The following NPR1 variants were observed in gnomAD, a reference collection of about 807,000 sequenced individuals.
NPR1 encodes atrial natriuretic peptide receptor 1.
Under a neutral mutation model 116.9 loss-of-function variants are expected in NPR1, and 57 were observed. That is an observed-to-expected ratio of 0.49 (90% CI 0.39 to 0.61). The LOEUF (loss-of-function observed/expected upper bound fraction) is 0.61, where lower values mean the gene tolerates loss of function less well. Ranked by LOEUF, NPR1 falls within the 20% of genes least tolerant of loss-of-function variation. The pLI is 0.00. For synonymous variants in NPR1, 555 were observed against 601.6 expected (o/e 0.92, Z 1.13); for missense variants, 1,096 against 1,409.8 (o/e 0.78, Z 3.56).
intron 7 of NPR1, among the ~76,000 whole-genome samples, chr1:153,684,342 T>C (rs985487747): frequency 6.6e-6 from 1 of 151,086 alleles, no homozygotes; most frequent in African/African-American, 2.4e-5. Flanking sequence ...TGGTTGAGCA[T>C]ATAATGTGTG....
chr1:153,691,915 A>C (rs1467649545), intron 20 of NPR1, among the ~76,000 whole-genome samples: 1 of 151,786 alleles, frequency 6.6e-6, no homozygotes, highest in African/African-American at 2.4e-5. Context: ...AAGAAAGAAA[A>C]GAAAAGAAAG....
Position 153,685,862 on chromosome 1 carries a change from C to T in NPR1, c.1662C>T (p.Ala554=). 6.2e-7 allele frequency: 1 copy of T among 1,613,990 alleles called. No homozygotes were observed. The highest frequency in any genetic ancestry group is 1.1e-5 in the South Asian group (1 of 91,078). The change falls in exon 9 of 22, where the codon GCC becomes GCT. Residue 554 remains alanine (A), a synonymous_variant. Transcript: ENST00000368680. ...LTTEGQFQVF[A]KTAYYKGNLV... ...CAGAGGGCCAGTTCCAAGTCTTTGC[C>T]AAGACAGCATATTATAAGGTGGGCC...
At chr1:153,686,097 A>G in intron 9 of NPR1, 26 bp from the exon 10 acceptor site, 1 of 1,610,194 alleles carries the variant, frequency 6.2e-7, no homozygotes, top group Non-Finnish European at 8.5e-7. Flanking sequence ...TGCTCTTCAC[A>G]GTGACAGTCT....
In NPR1 at chr1:153,679,239, C is replaced by A; in HGVS notation, c.131C>A (p.Ala44Asp). The A allele has an allele frequency of 6.5e-7, 1 of 1,527,960 alleles. No individual in the cohort carries two copies. The allele number at this position is 1,527,960 out of a possible 1,614,324, so 94.7% of individuals were successfully genotyped here. Reference protein sequence around the residue: ...NLTVAVVLPLANTSYPWSWAR... With the variant: ...NLTVAVVLPLDNTSYPWSWAR... The stretch of plus-strand genomic sequence containing the variant: ...ACGGTAGCCGTGGTACTGCCGCTGG[C>A]CAATACCTCGTACCCCTGGTCGTGG... The change falls in exon 1 of 22, where the codon GCC (alanine) becomes GAC (aspartate). Residue 44 changes from alanine (A) to aspartate (D), a missense_variant. By Grantham distance (126) the Ala-to-Asp change is moderately radical. Transcript: ENST00000368680. This position sits in a 1 kb window ranked among gnomAD's most constrained non-coding sequence, Gnocchi z 4.2.
Position 153,689,331 on chromosome 1 carries a change from C to G in NPR1, c.2688+20C>G, listed in dbSNP as rs778213148. 108 of 1,614,076 alleles carry G rather than the reference C, an allele frequency of 6.7e-5. No homozygotes were observed. In the Admixed American group the frequency reaches 1.8e-3, roughly 27 times the overall value. On this transcript the variant is annotated intron_variant, in intron 17 of 21. Coordinates refer to ENST00000368680, the MANE Select transcript of NPR1 (RefSeq NM_000906.4). This position sits in a 1 kb window ranked among gnomAD's most constrained non-coding sequence, Gnocchi z 5.1. Reference sequence around the variant, plus strand: ...ATGCAGGTAGGCCAGGGTTCAGCCACAGGTGCCAGGCAAGCTCAGCATCTG... The same window carrying G: ...ATGCAGGTAGGCCAGGGTTCAGCCAGAGGTGCCAGGCAAGCTCAGCATCTG...
At position 153,679,638 on chromosome 1, in the gene NPR1, G is replaced by C; in HGVS notation, c.530G>C (p.Gly177Ala). The change falls in exon 1 of 22, where the codon GGC (glycine) becomes GCC (alanine). Residue 177 changes from glycine (G) to alanine (A), a missense_variant. Coordinates refer to ENST00000368680, the MANE Select transcript of NPR1 (RefSeq NM_000906.4). This position sits in a 1 kb window ranked among gnomAD's most constrained non-coding sequence, Gnocchi z 4.2. The stretch of plus-strand genomic sequence containing the variant: ...GTGGCGGCGCTGCACCGACGGCTGG[G>C]CTGGGAGCGCCAAGCGCTCATGCTC... ...DFVAALHRRL[G>A]WERQALMLYA... is the part of the protein sequence containing the mutation. The C allele has an allele frequency of 6.3e-7, 1 of 1,598,964 alleles. No homozygotes were observed. Among genetic ancestry groups the C allele is most frequent in the Non-Finnish European group, 8.5e-7 (1 of 1,175,184 alleles).
At position 153,689,933 on chromosome 1, in the gene NPR1, G is replaced by A. The variant is rs199989132; in HGVS notation, c.2885G>A (p.Arg962His). 131 of 1,550,642 alleles carry A rather than the reference G, an allele frequency of 8.4e-5. No homozygotes were observed. Among genetic ancestry groups the A allele is most frequent in the Middle Eastern group, 3.3e-4 (2 of 5,978 alleles). Residue 962 changes from arginine (R) to histidine (H), a missense_variant, in exon 19 of 22, where the codon CGC (arginine) becomes CAC (histidine). By Grantham distance (29) the Arg-to-His change is conservative. Transcript: ENST00000368680. This position sits in a 1 kb window ranked among gnomAD's most constrained non-coding sequence, Gnocchi z 5.1. ...GATGCTGTGCGCTCCTTCCGAATCCGCCACCGGCCCCAGGAGCAGCTGCGC... is the reference window on the plus strand; with the variant it reads ...GATGCTGTGCGCTCCTTCCGAATCCACCACCGGCCCCAGGAGCAGCTGCGC... ...LLDAVRSFRI[R>H]HRPQEQLRLR... is the part of the protein sequence containing the mutation.
rs1318960849 is a variant in NPR1, at chr1:153,680,648, G to A, written c.869G>A (p.Arg290Lys). The change falls in exon 2 of 22, where the codon AGG (arginine) becomes AAG (lysine). Residue 290 changes from arginine (R) to lysine (K), a missense_variant. Arg to Lys is a conservative substitution (Grantham distance 26). Coordinates refer to ENST00000368680, the MANE Select transcript of NPR1 (RefSeq NM_000906.4). ...LQGGQGPAPR[R>K]PWERGDGQDV... ...GGTGGACAGGGCCCTGCTCCCCGCAGGCCCTGGGAGAGAGGGGATGGGCAG... is the reference window on the plus strand; with the variant it reads ...GGTGGACAGGGCCCTGCTCCCCGCAAGCCCTGGGAGAGAGGGGATGGGCAG... 1.2e-6 allele frequency: 2 copies of A among 1,614,038 alleles called. No homozygotes were observed. Among genetic ancestry groups the A allele is most frequent in the East Asian group, 2.2e-5 (1 of 44,906 alleles).
chr1:153,680,510 T>C lies in NPR1; in HGVS notation c.731T>C (p.Ile244Thr), dbSNP rs1190697337. The C allele has an allele frequency of 6.2e-7, 1 of 1,614,064 alleles. No individual in the cohort carries two copies. Among genetic ancestry groups the C allele is most frequent in the Non-Finnish European group, 8.5e-7 (1 of 1,179,986 alleles). The change falls in exon 2 of 22, where the codon ATC (isoleucine) becomes ACC (threonine). Residue 244 changes from isoleucine (I) to threonine (T), a missense_variant. Physicochemically the swap from Ile to Thr is moderately conservative, Grantham distance 89. Coordinates refer to ENST00000368680, the MANE Select transcript of NPR1 (RefSeq NM_000906.4). ...TMPRKGRVIY[I>T]CSSPDAFRTL... is the part of the protein sequence containing the mutation. ...CTCCGTCTTTCTCCAGTTATCTACA[T>C]CTGCAGCTCCCCTGATGCCTTCAGA...
At position 153,688,152 on chromosome 1, in the gene NPR1, G is replaced by C; in HGVS notation, c.2348G>C (p.Cys783Ser). The C allele has an allele frequency of 6.2e-7, 1 of 1,613,932 alleles. No individual in the cohort carries two copies. Among genetic ancestry groups the C allele is most frequent in the African/African-American group, 1.3e-5 (1 of 74,998 alleles). ...GAGTTGGGGCTGCTCATGCAGCGGT[G>C]CTGGGCTGAGGACCCACAGGAGAGG... ...LEELGLLMQR[C>S]WAEDPQERPP... The change falls in exon 15 of 22, where the codon TGC becomes TCC. Residue 783 changes from cysteine (C) to serine (S), a missense_variant. Cys to Ser is a moderately radical substitution (Grantham distance 112). Transcript: ENST00000368680.
In NPR1 at chr1:153,689,405, G is replaced by C. The variant is rs750325865; in HGVS notation, c.2689-48G>C. 1 of 1,612,788 alleles carries C rather than the reference G, an allele frequency of 6.2e-7. No individual in the cohort carries two copies. The highest frequency in any genetic ancestry group is 1.1e-5 in the South Asian group (1 of 91,064). On this transcript the variant is annotated intron_variant, in intron 17 of 21. Transcript: ENST00000368680. This position sits in a 1 kb window ranked among gnomAD's most constrained non-coding sequence, Gnocchi z 5.1. ...GTTCTGCTTTACCCACCTGACCCCA[G>C]GTGGGGTCCCCTACTTCCTGTCTCT...
chr1:153,683,623 C>T lies in NPR1; in HGVS notation c.1399+112C>T, dbSNP rs1451801440. Reference sequence around the variant, plus strand: ...GCTGAGGGCTTTCTGGAGAATGACTCCTGCCTTTTTCTTCCCTTCATCCAT... The same window carrying T: ...GCTGAGGGCTTTCTGGAGAATGACTTCTGCCTTTTTCTTCCCTTCATCCAT... On this transcript the variant is annotated intron_variant, in intron 6 of 21. Transcript: ENST00000368680. The T allele has an allele frequency of 1.0e-5, 16 of 1,552,968 alleles. No homozygotes were observed. In the South Asian group the frequency reaches 1.7e-4, roughly 17 times the overall value.
intron 7 of NPR1, among the ~76,000 whole-genome samples, chr1:153,684,386 CTTTTTTTTT>C (rs58272090): frequency 3.4e-5 from 3 of 89,014 alleles, no homozygotes; most frequent in South Asian, 4.3e-4. Flanking sequence ...TTCTTTCTTT[CTTTTTTTTT>C]TTTTTTTTTT....
At position 153,682,532 on chromosome 1, in the gene NPR1, C is replaced by T. The variant is rs370485762; in HGVS notation, c.1206C>T (p.Gly402=). ...VTGYLKIDSS[G]DRETDFSLWD... is the part of the protein sequence containing the mutation. ...GATACCTGAAAATTGATAGCAGTGG[C>T]GATCGGGAAACAGACTTCTCCCTCT... Residue 402 remains glycine (G), a synonymous_variant, in exon 5 of 22, where the codon GGC becomes GGT. Transcript: ENST00000368680. 65 of 1,613,884 alleles carry T rather than the reference C, an allele frequency of 4.0e-5. No homozygotes were observed. The African/African-American group carries it at 5.7e-4, about 14-fold the overall frequency.
At chr1:153,690,127 TCTCTCTCTCTCTCTCACA>T in intron 19 of NPR1, 139 bp from the exon 20 acceptor site, 2 of 599,918 alleles carry the variant, frequency 3.3e-6, no homozygotes. Flanking sequence ...TCTCTCTCTC[TCTCTCTCTCTCTCTCACA>T]CACACACACA....
rs1360227668 is a variant in NPR1 at position 153,688,904 on chromosome 1, G to T, written c.2418-49G>T. The T allele has an allele frequency of 3.1e-6, 5 of 1,611,690 alleles. No homozygotes were observed. The East Asian group carries it at 6.7e-5, about 22-fold the overall frequency. ...GCCTAGGGGCGGGCGCTCACGGTAG[G>T]CTGTGCTGCTCCTCTCTTACCACCC... On this transcript the variant is annotated intron_variant, in intron 15 of 21. Coordinates refer to ENST00000368680, the MANE Select transcript of NPR1 (RefSeq NM_000906.4).
Position 153,688,018 on chromosome 1 carries a change from C to G in NPR1, c.2249-35C>G, listed in dbSNP as rs1394224601. The G allele has an allele frequency of 2.0e-6, 3 of 1,487,962 alleles. No individual in the cohort carries two copies. In the South Asian group the frequency reaches 3.6e-5, roughly 18 times the overall value. 92.2% of individuals were successfully genotyped at this position (1,487,962 alleles called of 1,614,324 possible). On this transcript the variant is annotated intron_variant, in intron 14 of 21. Transcript: ENST00000368680. The stretch of plus-strand genomic sequence containing the variant: ...AGTCTCTCACTAGGCCCTTGGCCAG[C>G]CCCACCCCTCAGCTCCTCTACCCCC...
intron 20 of NPR1, among the ~76,000 whole-genome samples, chr1:153,692,863 A>T (rs1398090639): frequency 2.0e-5 from 3 of 152,146 alleles, no homozygotes; most frequent in African/African-American, 7.2e-5. Flanking sequence ...AAACAGGCAC[A>T]TGTGATTAGT....
rs1193012647 is a variant in NPR1, at chr1:153,688,946, C to T, written c.2418-7C>T. 9 of 1,613,960 alleles carry T rather than the reference C, an allele frequency of 5.6e-6. No homozygotes were observed. The highest frequency in any genetic ancestry group is 7.6e-6 in the Non-Finnish European group (9 of 1,179,918). On this transcript the variant is annotated splice_region_variant and splice_polypyrimidine_tract_variant and intron_variant, in intron 15 of 21. Coordinates refer to ENST00000368680, the MANE Select transcript of NPR1 (RefSeq NM_000906.4). ...TTACCACCCCCACCGCCACCCTCTGCCCCCAGGGAGAACAGCAGCAACATC... is the reference window on the plus strand; with the variant it reads ...TTACCACCCCCACCGCCACCCTCTGTCCCCAGGGAGAACAGCAGCAACATC...
Sources: allele counts gnomAD v4.1 joint callset (sites outside exome capture counted in the v4.1 genomes callset), GRCh38; gene constraint gnomAD v4.1.1; non-coding constraint Gnocchi (gnomAD v3.1); transcripts MANE v1.5; gene names NCBI Gene and HGNC (gene_info 2026-07-23, HGNC 2026-07-21).